DNAH9: variants seen among roughly 807,000 people sequenced by gnomAD.
The protein encoded by DNAH9 is DNAH9 variant protein.
In DNAH9, 345 loss-of-function variants were observed where a neutral mutation model predicts 471.6. The ratio of observed to expected loss-of-function variants is 0.73; its 90% CI spans 0.67 to 0.80. DNAH9 has a LOEUF of 0.80. DNAH9 is among the 30% of genes least tolerant of loss of function. DNAH9 has a pLI of 0.00. For missense variants in DNAH9, 5,407 were observed against 5,609.2 expected (o/e 0.96, Z 1.15); for synonymous variants, 2,093 against 2,123.6 (o/e 0.99, Z 0.40).
At chr17:11,736,839 A>T (rs998277274) in intron 28 of DNAH9, among the ~76,000 whole-genome samples, 2 of 152,220 alleles carry the variant, frequency 1.3e-5, no homozygotes, top group Non-Finnish European at 1.5e-5. Flanking sequence ...TGAACAGCAG[A>T]AAAGGTCCCA....
chr17:11,930,798 C>A (rs1357715702), intron 63 of DNAH9, among the ~76,000 whole-genome samples: 1 of 148,014 alleles, frequency 6.8e-6, no homozygotes, highest in Non-Finnish European at 1.5e-5. Flanking sequence ...GATTTTTAGG[C>A]CCCAATCTGA....
In DNAH9 at chr17:11,815,805, AAAAC is replaced by A. The variant is rs143015867; in HGVS notation, c.8707+5448_8707+5451del. On this transcript the variant is annotated intron_variant, in intron 45 of 68. Coordinates refer to ENST00000262442, the MANE Select transcript of DNAH9 (RefSeq NM_001372.4). The stretch of plus-strand genomic sequence containing the variant: ...CCATGTCTCCAAAAAAAGAAAAAAG[AAAAC>A]AAACAAACAAAAACACTGTAATTTT... Among the ~76,000 whole-genome samples, 407 of 152,314 alleles carry A rather than the reference AAAAC, an allele frequency of 2.7e-3. 10 individuals carry two copies. The East Asian group carries it at 0.046, about 17-fold the overall frequency.
chr17:11,770,115 C>A (rs1968142859), intron 38 of DNAH9, among the ~76,000 whole-genome samples: 1 of 152,176 alleles, frequency 6.6e-6, no homozygotes, highest in Admixed American at 6.5e-5. Context: ...CAGTGCCTCC[C>A]CACACCTAGA....
At chr17:11,775,469 T>C (rs1395647714) in intron 38 of DNAH9, among the ~76,000 whole-genome samples, 1 of 152,210 alleles carries the variant, frequency 6.6e-6, no homozygotes, top group East Asian at 1.9e-4. Flanking sequence ...GGAAAAAATA[T>C]TCCAGCTTTC....
At chr17:11,809,938 AG>A (rs1283231615) in intron 44 of DNAH9, among the ~76,000 whole-genome samples, 1 of 152,170 alleles carries the variant, frequency 6.6e-6, no homozygotes, top group African/African-American at 2.4e-5. Flanking sequence ...GAGCTCCAGA[AG>A]CTTTACCCTA....
intron 48 of DNAH9, among the ~76,000 whole-genome samples, chr17:11,831,657 T>C (rs1970687351): frequency 6.6e-6 from 1 of 152,036 alleles, no homozygotes; most frequent in Non-Finnish European, 1.5e-5. Context: ...TTTCCCCAAA[T>C]CCTAGAGCTG....
chr17:11,848,734 T>C (rs8070243), intron 49 of DNAH9, among the ~76,000 whole-genome samples: 75,978 of 151,992 alleles, frequency 0.5, 19,522 homozygotes, highest in Non-Finnish European at 0.55. Flanking sequence ...TTCTGGGAAA[T>C]GACTTACATT....
intron 11 of DNAH9, 26 bp downstream of exon 11, chr17:11,644,725 G>T: frequency 1.9e-6 from 3 of 1,550,858 alleles, no homozygotes; most frequent in Non-Finnish European, 2.7e-6. Context: ...CATTGCGTGG[G>T]TCTGCAGATT....
intron 9 of DNAH9, among the ~76,000 whole-genome samples, chr17:11,637,475 C>G (rs1461159225): frequency 6.6e-6 from 1 of 152,074 alleles, no homozygotes; most frequent in Admixed American, 6.5e-5. Context: ...GTGCGAACCC[C>G]TAGTCCTAGT....
At chr17:11,778,107 G>A (rs527672591) in intron 38 of DNAH9, among the ~76,000 whole-genome samples, 5 of 152,008 alleles carry the variant, frequency 3.3e-5, no homozygotes, top group African/African-American at 9.6e-5. Flanking sequence ...ACCTGCTGGG[G>A]TATGAGGGAG....
chr17:11,598,986 G>GT, intron 1 of DNAH9, 71 bp downstream of exon 1: 1 of 1,182,152 alleles, frequency 8.5e-7, no homozygotes, highest in Non-Finnish European at 1.1e-6. Context: ...TTAAGGGACG[G>GT]AGGCGGGGCC....
rs1438291079 is a variant in DNAH9, at chr17:11,782,014, T to C, written c.7718+840T>C. Among the ~76,000 whole-genome samples, 13 of 150,588 alleles carry C rather than the reference T, an allele frequency of 8.6e-5. No homozygotes were observed. In the East Asian group the frequency reaches 2.5e-3, roughly 29 times the overall value. On this transcript the variant is annotated intron_variant, in intron 39 of 68. Transcript: ENST00000262442. Reference sequence around the variant, plus strand: ...AGGAAAAAAAAAAAAAGCAAGTCACTGATTTGAGACAACTTTGACTCACCT... The same window carrying C: ...AGGAAAAAAAAAAAAAGCAAGTCACCGATTTGAGACAACTTTGACTCACCT...
chr17:11,719,056 C>G (rs2075011047), intron 26 of DNAH9, among the ~76,000 whole-genome samples: 1 of 151,972 alleles, frequency 6.6e-6, no homozygotes, highest in Non-Finnish European at 1.5e-5. Context: ...AGGTTTGCAG[C>G]TTCAGAGGAG....
At chr17:11,926,309 A>G (rs1233174570) in intron 62 of DNAH9, among the ~76,000 whole-genome samples, 1 of 151,982 alleles carries the variant, frequency 6.6e-6, no homozygotes, top group Non-Finnish European at 1.5e-5. Flanking sequence ...TTTGTTCCAT[A>G]GGTAAACATA....
intron 14 of DNAH9, among the ~76,000 whole-genome samples, chr17:11,656,230 C>A (rs1396701595): frequency 6.6e-6 from 1 of 151,942 alleles, no homozygotes; most frequent in Non-Finnish European, 1.5e-5. Flanking sequence ...ACATCTATTT[C>A]TTTTATTTGT....
intron 24 of DNAH9, among the ~76,000 whole-genome samples, chr17:11,701,610 T>C (rs182867787): frequency 6.6e-6 from 1 of 152,322 alleles, no homozygotes; most frequent in Admixed American, 6.5e-5. Context: ...TTGCTGGAGT[T>C]TACAGACTCA....
At chr17:11,765,090 A>G (rs1024050538) in intron 36 of DNAH9, among the ~76,000 whole-genome samples, 1 of 152,226 alleles carries the variant, frequency 6.6e-6, no homozygotes, top group African/African-American at 2.4e-5. Flanking sequence ...CCCCATGTGC[A>G]CAAAGAATGA....
Position 11,690,313 on chromosome 17 carries a change from C to T in DNAH9, c.4491C>T (p.Gly1497=), listed in dbSNP as rs184280262. The T allele has an allele frequency of 9.3e-5, 150 of 1,614,152 alleles. No individual in the cohort carries two copies. Among genetic ancestry groups the T allele is most frequent in the African/African-American group, 8.4e-4 (63 of 75,030 alleles). ...CTTTCTTCTTGGAGGAGGTGTCGGG[C>T]TGGCAGAAGAAGCTGTCCACAGTGG... is the stretch of plus-strand genomic sequence containing the variant. The part of the protein sequence containing the change: ...YVAFFLEEVS[G]WQKKLSTVDA... The change falls in exon 20 of 69, where the codon GGC becomes GGT. Residue 1497 remains glycine (G), a synonymous_variant. Transcript: ENST00000262442.
intron 61 of DNAH9, among the ~76,000 whole-genome samples, chr17:11,922,411 G>A (rs1395243853): frequency 6.6e-6 from 1 of 151,898 alleles, no homozygotes; most frequent in Non-Finnish European, 1.5e-5. Context: ...ACATTTTTAT[G>A]ATCCTTTTAT....
Sources: allele counts gnomAD v4.1 joint callset (sites outside exome capture counted in the v4.1 genomes callset), GRCh38; gene constraint gnomAD v4.1.1; transcripts MANE v1.5; gene names NCBI Gene and HGNC (gene_info 2026-07-23, HGNC 2026-07-21).